Variants in TBC1D4 observed in about 807,000 individuals in gnomAD.
The protein encoded by TBC1D4 is TBC1 domain family member 4, also known as TBC (Tre-2, BUB2, CDC16) domain-containing protein.
In TBC1D4, 121 loss-of-function variants were observed where a neutral mutation model predicts 142.5. That is an observed-to-expected ratio of 0.85 (90% CI 0.73 to 0.99). The LOEUF (loss-of-function observed/expected upper bound fraction) is 0.99, where lower values mean the gene tolerates loss of function less well. Among genes scored for constraint, TBC1D4 ranks in the 50% least tolerant of loss-of-function variants. The probability of loss-of-function intolerance (pLI) is 0.00; values close to 1 mark genes in which losing one functional copy is unlikely to be tolerated. For synonymous variants in TBC1D4, 630 were observed against 628.2 expected (o/e 1.00, Z -0.04); for missense variants, 1,475 against 1,606.6 (o/e 0.92, Z 1.40).
chr13:75,409,094 T>C (rs1430204306), intron 1 of TBC1D4, among the ~76,000 whole-genome samples: 1 of 151,906 alleles, frequency 6.6e-6, no homozygotes, highest in African/African-American at 2.4e-5. Flanking sequence ...CATAAAGAGT[T>C]ATTGGTCAGT....
At chr13:75,448,725 T>C (rs1887405108) in intron 1 of TBC1D4, among the ~76,000 whole-genome samples, 2 of 151,992 alleles carry the variant, frequency 1.3e-5, no homozygotes, top group South Asian at 2.1e-4. Flanking sequence ...TCCTAAAGCA[T>C]GTGAAATGAG....
intron 1 of TBC1D4, among the ~76,000 whole-genome samples, chr13:75,440,311 A>G (rs1313204424): frequency 6.6e-6 from 1 of 152,180 alleles, no homozygotes; most frequent in Non-Finnish European, 1.5e-5. Flanking sequence ...AAGCTGGGCC[A>G]GATTATATCA....
In TBC1D4 at chr13:75,362,754, T is replaced by C; in HGVS notation, c.499-147A>G. On this transcript the variant is annotated intron_variant, in intron 1 of 20. Coordinates refer to ENST00000377636, the MANE Select transcript of TBC1D4 (RefSeq NM_014832.5). This position sits in a 1 kb window ranked among gnomAD's most constrained non-coding sequence, Gnocchi z 4.2. ...CACTACACGAGACAGAGCATACACT[T>C]ACATTATTTGACATAAATGACTTCA... 1 of 808,174 alleles carries C rather than the reference T, an allele frequency of 1.2e-6. No homozygotes were observed. The highest frequency in any genetic ancestry group is 1.9e-6 in the Non-Finnish European group (1 of 518,108). 50.1% of individuals were successfully genotyped at this position (808,174 alleles called of 1,614,324 possible).
At chr13:75,372,817 TAA>T (rs1883293877) in intron 1 of TBC1D4, among the ~76,000 whole-genome samples, 1 of 152,194 alleles carries the variant, frequency 6.6e-6, no homozygotes, top group Non-Finnish European at 1.5e-5. Flanking sequence ...ATAAAATTAA[TAA>T]GTTAATAAAA....
At chr13:75,341,285 C>T (rs776230495) in intron 6 of TBC1D4, 50 bp from the exon 7 acceptor site, 10 of 1,530,386 alleles carry the variant, frequency 6.5e-6, no homozygotes, top group South Asian at 3.4e-5. Context: ...CACTTCCCTC[C>T]TTTTATTCTG....
intron 8 of TBC1D4, 103 bp downstream of exon 8, chr13:75,336,817 GT>G (rs1880257067): frequency 5.4e-6 from 7 of 1,288,516 alleles, no homozygotes; most frequent in South Asian, 4.1e-5. Context: ...TTTTTTTTTT[GT>G]TTGTTTTTTG....
intron 2 of TBC1D4, 109 bp from the exon 3 acceptor site, chr13:75,359,967 A>G (rs1882366981): frequency 1.1e-6 from 1 of 891,242 alleles, no homozygotes; most frequent in African/African-American, 1.7e-5. Flanking sequence ...TATCCCAGAT[A>G]TATGTATTTC....
chr13:75,403,671 T>C (rs1205324813), intron 1 of TBC1D4, among the ~76,000 whole-genome samples: 1 of 152,188 alleles, frequency 6.6e-6, no homozygotes, highest in Non-Finnish European at 1.5e-5. Flanking sequence ...TTATAATTTT[T>C]CCTCTTCCTA....
At chr13:75,421,900 C>A (rs868300752) in intron 1 of TBC1D4, among the ~76,000 whole-genome samples, 2 of 152,204 alleles carry the variant, frequency 1.3e-5, no homozygotes, top group Non-Finnish European at 2.9e-5. Flanking sequence ...TTCCACAAAT[C>A]CATTTCCTCC....
intron 1 of TBC1D4, among the ~76,000 whole-genome samples, chr13:75,454,324 G>A (rs1355988678): frequency 2.0e-5 from 3 of 152,090 alleles, no homozygotes; most frequent in Non-Finnish European, 4.4e-5. Flanking sequence ...CCTCTATTGT[G>A]ACTTATTAAA....
At chr13:75,315,632 G>C (rs1878258016) in intron 12 of TBC1D4, among the ~76,000 whole-genome samples, 1 of 151,968 alleles carries the variant, frequency 6.6e-6, no homozygotes, top group Non-Finnish European at 1.5e-5. Flanking sequence ...TTTCTAGCTT[G>C]TAGTGTAGTA....
At chr13:75,371,225 G>A (rs1883205751) in intron 1 of TBC1D4, among the ~76,000 whole-genome samples, 1 of 152,214 alleles carries the variant, frequency 6.6e-6, no homozygotes, top group South Asian at 2.1e-4. Flanking sequence ...AAGGGCAGCA[G>A]TAGGAGAAAC....
rs558692100 is a variant in TBC1D4 at position 75,422,689 on chromosome 13, C to T, written c.498+58581G>A. ...GACTATGGAAAGGATATTCTCTGGGCATTTATATTAAAGATAATATCAATG... is the reference window on the plus strand; with the variant it reads ...GACTATGGAAAGGATATTCTCTGGGTATTTATATTAAAGATAATATCAATG... On this transcript the variant is annotated intron_variant, in intron 1 of 20. Coordinates refer to ENST00000377636, the MANE Select transcript of TBC1D4 (RefSeq NM_014832.5). Among the ~76,000 whole-genome samples, 7 of 152,164 alleles carry T rather than the reference C, an allele frequency of 4.6e-5. No homozygotes were observed. The South Asian group carries it at 1.2e-3, about 27-fold the overall frequency.
intron 8 of TBC1D4, among the ~76,000 whole-genome samples, chr13:75,336,658 T>C (rs920890153): frequency 2.6e-5 from 4 of 152,044 alleles, no homozygotes; most frequent in African/African-American, 9.7e-5. Flanking sequence ...GGAGAATCGC[T>C]TGAATGCAGG....
intron 1 of TBC1D4, among the ~76,000 whole-genome samples, chr13:75,409,667 T>C (rs1248729987): frequency 6.6e-6 from 1 of 152,328 alleles, no homozygotes; most frequent in East Asian, 1.9e-4. Context: ...AAATATAATT[T>C]TAAGGAACAA....
intron 1 of TBC1D4, among the ~76,000 whole-genome samples, chr13:75,480,528 A>G (rs879246425): frequency 2.0e-5 from 3 of 152,044 alleles, no homozygotes; most frequent in African/African-American, 7.2e-5. Context: ...AAGACTCTGG[A>G]AAAAAAATAT....
chr13:75,454,898 T>A (rs918459431), intron 1 of TBC1D4, among the ~76,000 whole-genome samples: 10 of 152,322 alleles, frequency 6.6e-5, no homozygotes, highest in African/African-American at 2.4e-4. Flanking sequence ...CTTTCATAGG[T>A]GTTAGATTCC....
At chr13:75,297,646 A>C (rs1015730744) in intron 17 of TBC1D4, among the ~76,000 whole-genome samples, 4 of 151,734 alleles carry the variant, frequency 2.6e-5, no homozygotes, top group Non-Finnish European at 5.9e-5. Context: ...AATCCCAGCT[A>C]CTCGGGAGGC....
At chr13:75,403,211 A>T (rs1290459446) in intron 1 of TBC1D4, among the ~76,000 whole-genome samples, 1 of 152,170 alleles carries the variant, frequency 6.6e-6, no homozygotes, top group Non-Finnish European at 1.5e-5. Flanking sequence ...ATTCCACCGG[A>T]TCCTCTACTT....
Sources: gnomAD v4.1 joint callset for allele counts (sites outside exome capture counted in the v4.1 genomes callset) on GRCh38, gnomAD v4.1.1 for gene constraint, Gnocchi (gnomAD v3.1) non-coding constraint, MANE v1.5 for transcripts, NCBI Gene and HGNC (gene_info 2026-07-23, HGNC 2026-07-21) for gene names.